The following ESRRB variants were observed in gnomAD, a reference collection of about 807,000 sequenced individuals.
ESRRB encodes estrogen related receptor beta, also known as steroid hormone receptor ERR2.
A neutral mutation model predicts 46.0 loss-of-function variants in ESRRB; 16 were observed. The observed-to-expected ratio is 0.35, with a 90% CI of 0.24 to 0.53. The LOEUF (loss-of-function observed/expected upper bound fraction) is 0.53, where lower values mean the gene tolerates loss of function less well. Among genes scored for constraint, ESRRB ranks in the 20% least tolerant of loss-of-function variants. The probability of loss-of-function intolerance (pLI) is 0.93; values close to 1 mark genes in which losing one functional copy is unlikely to be tolerated. For missense variants in ESRRB, 488 were observed against 607.4 expected (o/e 0.80, Z 2.07); for synonymous variants, 246 against 259.6 (o/e 0.95, Z 0.50).
rs917822915 is a variant in ESRRB at position 76,499,957 on chromosome 14, G to A, written c.*1499G>A. 2 of 1,611,568 alleles carry A rather than the reference G, an allele frequency of 1.2e-6. No homozygotes were observed. Among genetic ancestry groups the A allele is most frequent in the Non-Finnish European group, 8.5e-7 (1 of 1,178,932 alleles). ...TTCCAATCAGCTGCCTTCACAAGCA[G>A]GGATCAGAGCAACTCCCCGGGGATC... is the stretch of plus-strand genomic sequence containing the variant. On this transcript the variant is annotated 3_prime_UTR_variant, in exon 7 of 7. Transcript: ENST00000644823.
intron 2 of ESRRB, among the ~76,000 whole-genome samples, chr14:76,445,618 G>T (rs1888110135): frequency 6.6e-6 from 1 of 151,198 alleles, no homozygotes; most frequent in Non-Finnish European, 1.5e-5. Context: ...AAATTTTGCA[G>T]AAACAAAGAT....
chr14:76,465,159 T>C (rs1889052590), intron 3 of ESRRB, among the ~76,000 whole-genome samples: 1 of 152,154 alleles, frequency 6.6e-6, no homozygotes, highest in Admixed American at 6.5e-5. Flanking sequence ...AATGGAGCCC[T>C]ACAGGGGCTG....
At chr14:76,361,728 G>A (rs1884466772) in intron 1 of ESRRB, among the ~76,000 whole-genome samples, 1 of 152,194 alleles carries the variant, frequency 6.6e-6, no homozygotes, top group Admixed American at 6.5e-5. Context: ...CATCTCTCAT[G>A]GATGGTCCTA....
intron 3 of ESRRB, among the ~76,000 whole-genome samples, chr14:76,470,787 A>G (rs1889348312): frequency 6.6e-6 from 1 of 152,120 alleles, no homozygotes; most frequent in Non-Finnish European, 1.5e-5. Context: ...TATTGGGCTC[A>G]AGAGATCCTC....
chr14:76,484,686 C>G (rs1302794800), intron 5 of ESRRB, among the ~76,000 whole-genome samples: 5 of 151,756 alleles, frequency 3.3e-5, no homozygotes, highest in African/African-American at 9.7e-5. Flanking sequence ...TTTCTCTGTG[C>G]CTTTCCACCT....
At chr14:76,399,120 T>C (rs1885826394) in intron 1 of ESRRB, among the ~76,000 whole-genome samples, 1 of 152,052 alleles carries the variant, frequency 6.6e-6, no homozygotes, top group Non-Finnish European at 1.5e-5. Context: ...ACAGCAGATG[T>C]GGATGGTCTG....
intron 1 of ESRRB, among the ~76,000 whole-genome samples, chr14:76,313,316 A>T (rs1247249676): frequency 2.7e-5 from 4 of 150,482 alleles, no homozygotes; most frequent in Non-Finnish European, 5.9e-5. Context: ...CATCAAATTC[A>T]TTTTTTTTTT....
intron 3 of ESRRB, among the ~76,000 whole-genome samples, chr14:76,469,124 C>T (rs527356914): frequency 1.3e-5 from 2 of 152,030 alleles, no homozygotes; most frequent in Admixed American, 1.3e-4. Flanking sequence ...GATGGAGTCT[C>T]GCTCTGTTGC....
At chr14:76,496,834 C>T (rs1890450451) in intron 6 of ESRRB, among the ~76,000 whole-genome samples, 1 of 152,154 alleles carries the variant, frequency 6.6e-6, no homozygotes. Flanking sequence ...CACACCATGG[C>T]CCCCTGGGAG....
rs1884794072 is a variant in ESRRB, at chr14:76,376,988, T to TG, written c.50+541dup. ...TGCCGCTCTCGCCTCGCGGTCTCCG[T>TG]GGGGCGCCCCGAGGGTGCGCACGTG... On this transcript the variant is annotated intron_variant, in intron 1 of 6. Coordinates refer to ENST00000644823, the MANE Select transcript of ESRRB (RefSeq NM_001379180.1). This position sits in a 1 kb window ranked among gnomAD's most constrained non-coding sequence, Gnocchi z 4.1. 6.6e-6 allele frequency among the ~76,000 whole-genome samples: 1 copy of TG among 152,114 alleles called. No individual in the cohort carries two copies. Among genetic ancestry groups the TG allele is most frequent in the African/African-American group, 2.4e-5 (1 of 41,438 alleles).
intron 1 of ESRRB, among the ~76,000 whole-genome samples, chr14:76,428,178 C>T (rs1887282336): frequency 6.6e-6 from 1 of 152,070 alleles, no homozygotes; most frequent in Admixed American, 6.5e-5. Context: ...TTGTATTTTT[C>T]GTAGAGACGG....
intron 2 of ESRRB, among the ~76,000 whole-genome samples, chr14:76,444,951 C>A (rs770659429): frequency 2.6e-5 from 4 of 151,048 alleles, no homozygotes; most frequent in Admixed American, 6.6e-5. Flanking sequence ...TCCCTTGAAG[C>A]CAGGAGTTCC....
At chr14:76,404,692 T>C (rs536213877) in intron 1 of ESRRB, among the ~76,000 whole-genome samples, 1 of 152,324 alleles carries the variant, frequency 6.6e-6, no homozygotes, top group South Asian at 2.1e-4. Context: ...CAGCCCAGCC[T>C]TTTGAAAATA....
upstream of ESRRB, among the ~76,000 whole-genome samples, chr14:76,369,833 G>C (rs76666916): frequency 0.014 from 2,091 of 152,274 alleles, 50 homozygotes; most frequent in African/African-American, 0.048. Flanking sequence ...ACAAGTGTGT[G>C]TGCTGCTTTA....
intron 1 of ESRRB, among the ~76,000 whole-genome samples, chr14:76,425,546 A>G (rs11623971): frequency 0.2 from 30,265 of 149,142 alleles, 4,208 homozygotes; most frequent in African/African-American, 0.4. Flanking sequence ...CCTCCCTTCC[A>G]GCAACAGATT....
intron 1 of ESRRB, among the ~76,000 whole-genome samples, chr14:76,419,049 C>T (rs1052627923): frequency 2.0e-5 from 3 of 151,070 alleles, no homozygotes; most frequent in Non-Finnish European, 1.5e-5. Context: ...AGGTTTCACT[C>T]TGTCACCCTG....
In ESRRB at chr14:76,462,664, AAG is replaced by A; in HGVS notation, c.577+7_577+8del. ...CAAAGTGGGGATGCTGAAGGAAGGT[AAG>A]AGACCCCACCGAGTCGGGGTTCACT... is the stretch of plus-strand genomic sequence containing the variant. On this transcript the variant is annotated splice_donor_5th_base_variant and intron_variant, in intron 3 of 6. Coordinates refer to ENST00000644823, the MANE Select transcript of ESRRB (RefSeq NM_001379180.1). The A allele has an allele frequency of 6.2e-7, 1 of 1,606,304 alleles. No individual in the cohort carries two copies. The highest frequency in any genetic ancestry group is 8.5e-7 in the Non-Finnish European group (1 of 1,173,072).
At chr14:76,311,853 G>A (rs1421985137) in intron 1 of ESRRB, among the ~76,000 whole-genome samples, 1 of 152,060 alleles carries the variant, frequency 6.6e-6, no homozygotes, top group East Asian at 1.9e-4. Flanking sequence ...TACCTGCCAC[G>A]AGCTTCCCGT....
chr14:76,405,666 C>G (rs1357721345), intron 1 of ESRRB, among the ~76,000 whole-genome samples: 1 of 151,824 alleles, frequency 6.6e-6, no homozygotes, highest in East Asian at 1.9e-4. Flanking sequence ...GCCAAACTAC[C>G]CTTAGGATTT....
Sources: gnomAD v4.1 joint callset for allele counts (sites outside exome capture counted in the v4.1 genomes callset) on GRCh38, gnomAD v4.1.1 for gene constraint, Gnocchi (gnomAD v3.1) non-coding constraint, MANE v1.5 for transcripts, NCBI Gene and HGNC (gene_info 2026-07-23, HGNC 2026-07-21) for gene names.